Variants in PAQR9 observed in about 807,000 individuals in gnomAD.
The protein encoded by PAQR9 is membrane progestin receptor epsilon.
In PAQR9, 12 loss-of-function variants were observed where a neutral mutation model predicts 24.0. The observed-to-expected ratio is 0.50, with a 90% CI of 0.32 to 0.81. The LOEUF is 0.81. Among genes scored for constraint, PAQR9 ranks in the 30% least tolerant of loss-of-function variants. The pLI is 0.03. For synonymous variants in PAQR9, 266 were observed against 237.6 expected (o/e 1.12, Z -1.10); for missense variants, 418 against 520.8 (o/e 0.80, Z 1.92).
rs1934831318 is a variant in PAQR9 at position 142,958,554 on chromosome 3, G to T, written c.*3649C>A. 6.6e-6 allele frequency among the ~76,000 whole-genome samples: 1 copy of T among 152,152 alleles called. No individual in the cohort carries two copies. The highest frequency in any genetic ancestry group is 1.5e-5 in the Non-Finnish European group (1 of 68,036). On this transcript the variant is annotated 3_prime_UTR_variant, in exon 1 of 1. Transcript: ENST00000340634. ...AAGATAAAAATTCCTGTTTATTATT[G>T]CTGTTAGTCCTCAGAGTTGGCACCA... is the stretch of plus-strand genomic sequence containing the variant.
downstream of PAQR9, among the ~76,000 whole-genome samples, chr3:142,954,529 C>A (rs1036281244): frequency 6.6e-6 from 1 of 152,180 alleles, no homozygotes; most frequent in African/African-American, 2.4e-5. Flanking sequence ...TTTAGGAATA[C>A]CCTGTTGCTG....
Position 142,963,321 on chromosome 3 carries a change from G to A in PAQR9, c.16C>T (p.Gln6Ter). 1 of 1,375,860 alleles carries A rather than the reference G, an allele frequency of 7.3e-7. No homozygotes were observed. Among genetic ancestry groups the A allele is most frequent in the Non-Finnish European group, 9.3e-7 (1 of 1,072,252 alleles). 85.2% of individuals were successfully genotyped at this position (1,375,860 alleles called of 1,614,324 possible). The change falls in exon 1 of 1, where the codon CAG becomes TAG. Residue 6 changes from glutamine to a stop codon, truncating the protein, a stop_gained. Transcript: ENST00000340634. LOFTEE classifies it high-confidence loss of function. MPRRL[Q>*]PRGAGTKGPP... ...CCTTTTGTGCCCGCGCCCCGGGGCT[G>A]CAGGCGCCGCGGCATGGTGCCCGGG... is the stretch of plus-strand genomic sequence containing the variant.
Position 142,961,289 on chromosome 3 carries a change from G to A in PAQR9, c.*914C>T, listed in dbSNP as rs1461249330. 2.0e-5 allele frequency: 3 copies of A among 151,920 alleles called. No individual in the cohort carries two copies. Among genetic ancestry groups the A allele is most frequent in the Non-Finnish European group, 2.9e-5 (2 of 67,878 alleles). 9.4% of individuals were successfully genotyped at this position (151,920 alleles called of 1,614,324 possible). ...AGTGGCAATTTAAATAAGTAGAGAA[G>A]GAAAAAAAAAGATTAAAAACAAAAC... On this transcript the variant is annotated 3_prime_UTR_variant, in exon 1 of 1. Transcript: ENST00000340634.
chr3:142,963,013 G>A lies in PAQR9; in HGVS notation c.324C>T (p.Ser108=), dbSNP rs1425025932. The change falls in exon 1 of 1, where the codon AGC becomes AGT. Residue 108 remains serine, a synonymous_variant. Coordinates refer to ENST00000340634, the MANE Select transcript of PAQR9 (RefSeq NM_198504.4). ...GGTGGTGGAAGGGCACGTCGCCGCC[G>A]CTCAGGAAGAACAGACGGCAGAACT... is the stretch of plus-strand genomic sequence containing the variant. ...LSKFCRLFFL[S]GGDVPFHHPW... is the part of the protein sequence containing the mutation. 1.9e-6 allele frequency: 3 copies of A among 1,614,136 alleles called. No homozygotes were observed. The highest frequency in any genetic ancestry group is 1.1e-5 in the South Asian group (1 of 91,078).
Position 142,961,846 on chromosome 3 carries a change from C to T in PAQR9, c.*357G>A, listed in dbSNP as rs1364346090. On this transcript the variant is annotated 3_prime_UTR_variant, in exon 1 of 1. Transcript: ENST00000340634. ...TGTGTACCTGACCTCACAGGGGCTA[C>T]TCCTTATTACCAATGGCACAGATGA... 1 of 278,728 alleles carries T rather than the reference C, an allele frequency of 3.6e-6. No individual in the cohort carries two copies. The highest frequency in any genetic ancestry group is 6.9e-6 in the Non-Finnish European group (1 of 145,936). 17.3% of individuals were successfully genotyped at this position (278,728 alleles called of 1,614,324 possible).
upstream of PAQR9, chr3:142,963,875 A>G (rs1314341491): frequency 3.0e-6 from 3 of 985,100 alleles, no homozygotes; most frequent in African/African-American, 5.2e-5. Context: ...GGGCCGCCGC[A>G]GCCCGGGCCG....
At position 142,963,115 on chromosome 3, in the gene PAQR9, T is replaced by A. The variant is rs374554667; in HGVS notation, c.222A>T (p.Leu74=). 185 of 1,613,416 alleles carry A rather than the reference T, an allele frequency of 1.1e-4. No homozygotes were observed. The highest frequency in any genetic ancestry group is 2.2e-4 in the Admixed American group (13 of 59,932). The change falls in exon 1 of 1, where the codon CTA becomes CTT. Residue 74 remains leucine (L), a synonymous_variant. Transcript: ENST00000340634. ...RRLPCTAQEC[L]ASVLKPTNET... ...CGTTGGTAGGCTTCAGCACCGAGGC[T>A]AGGCACTCCTGGGCCGTGCACGGCA... is the stretch of plus-strand genomic sequence containing the variant.
chr3:142,963,768 A>C (rs565403217), upstream of PAQR9: 1 of 960,938 alleles, frequency 1.0e-6, no homozygotes, highest in Non-Finnish European at 1.2e-6. Flanking sequence ...GGACGGGCGC[A>C]CCGAGGAAGG....
chr3:142,951,876 G>T, downstream of PAQR9: 1 of 412,986 alleles, frequency 2.4e-6, no homozygotes, highest in Admixed American at 3.0e-5. Context: ...GAATGGGAAA[G>T]AGGATCTCAG....
rs1394943721 is a variant in PAQR9 at position 142,961,639 on chromosome 3, TA to T, written c.*563del. 6.3e-6 allele frequency: 1 copy of T among 157,612 alleles called. No homozygotes were observed. The highest frequency in any genetic ancestry group is 1.4e-5 in the Non-Finnish European group (1 of 70,936). The allele number at this position is 157,612 out of a possible 1,614,324, so 9.8% of individuals were successfully genotyped here. On this transcript the variant is annotated 3_prime_UTR_variant, in exon 1 of 1. Transcript: ENST00000340634. ...ATCAATGTATATATTACTATTTAAA[TA>T]ACATCTGAAAAACATTTTGAAATAA...
Position 142,963,105 on chromosome 3 carries a change from G to A in PAQR9, c.232C>T (p.Leu78=). ...CTAQECLASV[L]KPTNETLNFW... is the part of the protein sequence containing the mutation. ...TTGAGCGTCTCGTTGGTAGGCTTCAGCACCGAGGCTAGGCACTCCTGGGCC... is the reference window on the plus strand; with the variant it reads ...TTGAGCGTCTCGTTGGTAGGCTTCAACACCGAGGCTAGGCACTCCTGGGCC... The change falls in exon 1 of 1, where the codon CTG becomes TTG. Residue 78 remains leucine, a synonymous_variant. Coordinates refer to ENST00000340634, the MANE Select transcript of PAQR9 (RefSeq NM_198504.4). 2 of 1,613,906 alleles carry A rather than the reference G, an allele frequency of 1.2e-6. No homozygotes were observed. The highest frequency in any genetic ancestry group is 1.7e-6 in the Non-Finnish European group (2 of 1,179,882).
Position 142,963,374 on chromosome 3 carries a change from T to C in PAQR9, c.-38A>G. On this transcript the variant is annotated 5_prime_UTR_variant, in exon 1 of 1. Transcript: ENST00000340634. ...TCGGCTAGGGCGCGCGCAGGCGACCTCTGGCGCCGGCTCCCGGGCGCTGGG... is the reference window on the plus strand; with the variant it reads ...TCGGCTAGGGCGCGCGCAGGCGACCCCTGGCGCCGGCTCCCGGGCGCTGGG... 5 of 1,167,992 alleles carry C rather than the reference T, an allele frequency of 4.3e-6. No homozygotes were observed. Among genetic ancestry groups the C allele is most frequent in the Non-Finnish European group, 5.3e-6 (5 of 947,870 alleles). The allele number at this position is 1,167,992 out of a possible 1,614,324, so 72.4% of individuals were successfully genotyped here. A position where few individuals can be genotyped will look rare whatever the true frequency, so the allele number is the denominator to read the frequency against.
exon 3 of PAQR9, chr3:142,949,267 G>T (rs549620005): frequency 6.6e-6 from 1 of 152,248 alleles, no homozygotes; most frequent in Admixed American, 6.5e-5. Flanking sequence ...GAATCTGAGA[G>T]AACTCTAAAC....
Position 142,962,487 on chromosome 3 carries a change from G to A in PAQR9, c.850C>T (p.Leu284=), listed in dbSNP as rs757397207. 6.2e-7 allele frequency: 1 copy of A among 1,613,362 alleles called. No individual in the cohort carries two copies. Among genetic ancestry groups the A allele is most frequent in the South Asian group, 1.1e-5 (1 of 90,998 alleles). The change falls in exon 1 of 1, where the codon CTG becomes TTG. Residue 284 remains leucine (L), a synonymous_variant. Coordinates refer to ENST00000340634, the MANE Select transcript of PAQR9 (RefSeq NM_198504.4). ...FVHFYRRYFW[L]VVAAFFNVSK... ...ACGTTGAAGAAGGCGGCCACCACCA[G>A]CCAGAAGTAGCGGCGGTAGAAGTGC...
chr3:142,956,471 T>C lies in PAQR9; in HGVS notation c.*5732A>G, dbSNP rs1445040461. Among the ~76,000 whole-genome samples, 1 of 152,238 alleles carries C rather than the reference T, an allele frequency of 6.6e-6. No individual in the cohort carries two copies. The highest frequency in any genetic ancestry group is 1.9e-4 in the East Asian group (1 of 5,206). ...TTTGGAATAGCTTCCAGAGATTGAT[T>C]GAGAACAAAAGCATTAAAGCAAGTG... On this transcript the variant is annotated 3_prime_UTR_variant, in exon 1 of 1. Coordinates refer to ENST00000340634, the MANE Select transcript of PAQR9 (RefSeq NM_198504.4).
chr3:142,952,774 G>A (rs1168634096), downstream of PAQR9: 4 of 456,594 alleles, frequency 8.8e-6, no homozygotes, highest in Non-Finnish European at 1.8e-5. Context: ...AGAGTGGGGA[G>A]GGACAGGAAA....
chr3:142,954,324 G>A (rs922889669), downstream of PAQR9, among the ~76,000 whole-genome samples: 6 of 152,286 alleles, frequency 3.9e-5, no homozygotes, highest in African/African-American at 1.4e-4. Flanking sequence ...GGTTATATAA[G>A]TATTTTCTTA....
At chr3:142,950,223 G>GT (rs1934695041), downstream of PAQR9, 2 of 145,336 alleles carry the variant, frequency 1.4e-5, no homozygotes, top group African/African-American at 5.4e-5. Flanking sequence ...TTCAAACTGT[G>GT]TTTTTTGTCT....
rs1279862950 is a variant in PAQR9 at position 142,955,355 on chromosome 3, GA to G, written c.*6847del. On this transcript the variant is annotated 3_prime_UTR_variant, in exon 1 of 1. Transcript: ENST00000340634. ...CTTTTCTCTTCAAGCTGGATATGTG[GA>G]AAGTGAAGTTTCAAGGGTAGTGAAA... is the stretch of plus-strand genomic sequence containing the variant. Among the ~76,000 whole-genome samples the G allele has an allele frequency of 7.2e-4, 106 of 146,520 alleles. No homozygotes were observed. Among genetic ancestry groups the G allele is most frequent in the African/African-American group, 2.4e-3 (96 of 39,730 alleles).
Sources: gnomAD v4.1 joint callset for allele counts (sites outside exome capture counted in the v4.1 genomes callset) on GRCh38, gnomAD v4.1.1 for gene constraint, MANE v1.5 for transcripts, NCBI Gene and HGNC (gene_info 2026-07-23, HGNC 2026-07-21) for gene names.